The following KLHL32 variants were observed in gnomAD, a reference collection of about 807,000 sequenced individuals.
KLHL32 encodes kelch-like protein 32.
In KLHL32, 35 loss-of-function variants were observed where a neutral mutation model predicts 64.8. The ratio of observed to expected loss-of-function variants is 0.54; its 90% confidence interval spans 0.41 to 0.72. KLHL32 has a LOEUF of 0.72. Ranked by LOEUF, KLHL32 falls within the 30% of genes least tolerant of loss-of-function variation. KLHL32 has a pLI of 0.00. For synonymous variants in KLHL32, 259 were observed against 281.0 expected, an observed-to-expected ratio of 0.92 and a Z score of 0.78; for missense variants, 589 against 768.5, an observed-to-expected ratio of 0.77 and a Z score of 2.76.
At chr6:97,070,973 A>G (rs1332800617) in intron 5 of KLHL32, among the ~76,000 whole-genome samples, 1 of 152,092 alleles carries the variant, frequency 6.6e-6, no homozygotes, top group Non-Finnish European at 1.5e-5. Flanking sequence ...TCTTTCCTGA[A>G]GCTAAACCAC....
At chr6:96,961,109 G>A (rs759886928) in intron 1 of KLHL32, among the ~76,000 whole-genome samples, 1 of 152,188 alleles carries the variant, frequency 6.6e-6, no homozygotes, top group Non-Finnish European at 1.5e-5. Context: ...TCAAGACATA[G>A]CAAAGAAGAC....
intron 7 of KLHL32, among the ~76,000 whole-genome samples, chr6:97,127,097 G>C (rs1347431362): frequency 6.6e-6 from 1 of 152,124 alleles, no homozygotes; most frequent in Non-Finnish European, 1.5e-5. Flanking sequence ...TGTGTACTAT[G>C]TTCACTCTCA....
At chr6:96,935,536 C>T (rs1333738256) in intron 1 of KLHL32, among the ~76,000 whole-genome samples, 1 of 152,090 alleles carries the variant, frequency 6.6e-6, no homozygotes. Flanking sequence ...ACTGTGAAAC[C>T]GCGTCTATCA....
At chr6:96,942,690 T>TGTGTGTGA (rs564012829) in intron 1 of KLHL32, among the ~76,000 whole-genome samples, 2 of 146,080 alleles carry the variant, frequency 1.4e-5, no homozygotes, top group African/African-American at 2.5e-5. Flanking sequence ...TGTGTGTGTG[T>TGTGTGTGA]GATTCAGAAT....
chr6:96,908,780 C>T, the KLHL32 span, among the ~76,000 whole-genome samples: 3 of 151,938 alleles, frequency 2.0e-5, no homozygotes, highest in Non-Finnish European at 4.4e-5. Flanking sequence ...ACTGTCCTGC[C>T]CCCTCCCCTT....
chr6:97,055,211 T>C (rs549045667), intron 4 of KLHL32, among the ~76,000 whole-genome samples: 8 of 152,002 alleles, frequency 5.3e-5, no homozygotes, highest in Non-Finnish European at 1.0e-4. Flanking sequence ...CTAACCTACC[T>C]CCAGTACACA....
intron 10 of KLHL32, 40 bp from the exon 11 acceptor site, chr6:97,139,081 C>T: frequency 1.3e-6 from 2 of 1,573,092 alleles, no homozygotes; most frequent in Non-Finnish European, 1.7e-6. Flanking sequence ...TTTGAGCAGT[C>T]ATCTTTGATA....
At chr6:97,066,489 G>T (rs944385949) in intron 5 of KLHL32, among the ~76,000 whole-genome samples, 1 of 152,188 alleles carries the variant, frequency 6.6e-6, no homozygotes, top group Non-Finnish European at 1.5e-5. Flanking sequence ...AGTGTAGCAT[G>T]CATACATGCT....
At chr6:96,935,880 CA>C (rs1289373079) in intron 1 of KLHL32, among the ~76,000 whole-genome samples, 1 of 152,224 alleles carries the variant, frequency 6.6e-6, no homozygotes, top group East Asian at 1.9e-4. Context: ...CATCTCTTCA[CA>C]GTTTCTCCTA....
intron 1 of KLHL32, among the ~76,000 whole-genome samples, chr6:96,948,716 G>A (rs549491062): frequency 6.6e-6 from 1 of 152,152 alleles, no homozygotes; most frequent in South Asian, 2.1e-4. Context: ...TAGGATTGAT[G>A]AAGGAGGGAT....
chr6:96,983,524 T>C (rs1776607464), intron 3 of KLHL32, among the ~76,000 whole-genome samples: 1 of 152,302 alleles, frequency 6.6e-6, no homozygotes, highest in South Asian at 2.1e-4. Context: ...CTTTATTTGG[T>C]TGGTAAGCTA....
rs2128054833 is a variant in KLHL32 at position 96,984,779 on chromosome 6, A to G, written c.204+8602A>G. On this transcript the variant is annotated intron_variant, in intron 3 of 10. Transcript: ENST00000369261. Reference sequence around the variant, plus strand: ...GCCTATGTGTGTCTCTGCACGTGAGATGGGTTTCCTGAATACAGTACAGTG... The same window carrying G: ...GCCTATGTGTGTCTCTGCACGTGAGGTGGGTTTCCTGAATACAGTACAGTG... Among the ~76,000 whole-genome samples the G allele has an allele frequency of 1.3e-5, 2 of 152,158 alleles. 1 individual carries two copies. The highest frequency in any genetic ancestry group is 4.8e-5 in the African/African-American group (2 of 41,496).
chr6:97,136,539 G>A (rs1325977715), intron 10 of KLHL32, among the ~76,000 whole-genome samples: 3 of 152,186 alleles, frequency 2.0e-5, no homozygotes, highest in Non-Finnish European at 4.4e-5. Flanking sequence ...ACTAATGTCT[G>A]TCACAGAGGT....
intron 1 of KLHL32, among the ~76,000 whole-genome samples, chr6:96,926,487 T>G (rs1769178381): frequency 6.6e-6 from 1 of 152,234 alleles, no homozygotes; most frequent in Non-Finnish European, 1.5e-5. Flanking sequence ...ATAAATTACC[T>G]TCCATTTAAA....
intron 7 of KLHL32, 183 bp downstream of exon 7, chr6:97,114,692 G>T (rs1344446244): frequency 1.5e-6 from 1 of 672,482 alleles, no homozygotes; most frequent in East Asian, 2.7e-5. Context: ...GAAATAATAT[G>T]CCTTTCTGTG....
intron 6 of KLHL32, among the ~76,000 whole-genome samples, chr6:97,087,259 A>G (rs1277614685): frequency 6.6e-6 from 1 of 152,226 alleles, no homozygotes; most frequent in Non-Finnish European, 1.5e-5. Flanking sequence ...AACCCCATAG[A>G]GAAAAATCAA....
At chr6:96,983,620 G>C (rs1409526600) in intron 3 of KLHL32, among the ~76,000 whole-genome samples, 1 of 152,294 alleles carries the variant, frequency 6.6e-6, no homozygotes, top group African/African-American at 2.4e-5. Context: ...GAGGGTGTAT[G>C]TGTCGGGGAA....
At chr6:97,045,670 G>GC (rs1181498709) in intron 4 of KLHL32, among the ~76,000 whole-genome samples, 1 of 152,190 alleles carries the variant, frequency 6.6e-6, no homozygotes, top group Non-Finnish European at 1.5e-5. Flanking sequence ...CTTATTGCTT[G>GC]CTTGATTGCT....
intron 1 of KLHL32, among the ~76,000 whole-genome samples, chr6:96,958,829 GA>G (rs72308130): frequency 0.099 from 14,976 of 151,114 alleles, 787 homozygotes; most frequent in Middle Eastern, 0.16. Context: ...GAGTGCCAAG[GA>G]AAAAAAAATC....
Sources: gnomAD v4.1 joint callset for allele counts (sites outside exome capture counted in the v4.1 genomes callset) on GRCh38, gnomAD v4.1.1 for gene constraint, MANE v1.5 for transcripts, NCBI Gene and HGNC (gene_info 2026-07-23, HGNC 2026-07-21) for gene names.